The following C1QTNF7 variants were observed in gnomAD, a reference collection of about 807,000 sequenced individuals.
C1QTNF7 encodes C1q and TNF related 7, also known as complement C1q tumor necrosis factor-related protein 7.
C1QTNF7 carries 15 observed loss-of-function variants against 19.6 expected under a neutral mutation model. The observed-to-expected ratio is 0.76, with a 90% CI of 0.51 to 1.18. The LOEUF is 1.18. Ranked by LOEUF, C1QTNF7 falls within the 50% of genes most tolerant of loss-of-function variation. The probability of loss-of-function intolerance (pLI) is 0.00; values close to 1 mark genes in which losing one functional copy is unlikely to be tolerated. For missense variants in C1QTNF7, 324 were observed against 359.7 expected (o/e 0.90, Z 0.80); for synonymous variants, 142 against 137.5 (o/e 1.03, Z -0.23).
chr4:15,417,233 T>C (rs1371271244), intron 1 of C1QTNF7, among the ~76,000 whole-genome samples: 1 of 152,186 alleles, frequency 6.6e-6, no homozygotes, highest in African/African-American at 2.4e-5. Flanking sequence ...ACATTAACAA[T>C]CTTGTGCAGC....
intron 1 of C1QTNF7, among the ~76,000 whole-genome samples, chr4:15,406,775 T>C (rs749122152): frequency 7.9e-5 from 12 of 152,158 alleles, no homozygotes; most frequent in Non-Finnish European, 1.5e-4. Context: ...TAGTAAGAGA[T>C]AATAGGATAC....
intron 1 of C1QTNF7, among the ~76,000 whole-genome samples, chr4:15,395,147 T>C (rs964149836): frequency 2.0e-5 from 3 of 152,118 alleles, no homozygotes; most frequent in Admixed American, 6.5e-5. Flanking sequence ...GTGTTTTCCA[T>C]GGGAAAAGCA....
At chr4:15,398,527 T>C (rs1014358392) in intron 1 of C1QTNF7, among the ~76,000 whole-genome samples, 5 of 152,202 alleles carry the variant, frequency 3.3e-5, no homozygotes, top group Non-Finnish European at 7.3e-5. Flanking sequence ...TGGGACTACC[T>C]GGGTCTAGGC....
chr4:15,426,126 A>G (rs1712036004), upstream of C1QTNF7, among the ~76,000 whole-genome samples: 3 of 152,240 alleles, frequency 2.0e-5, no homozygotes, highest in Admixed American at 6.5e-5. Context: ...ATTCAGTTGA[A>G]AAGTAAATAA....
At chr4:15,387,447 A>T (rs1718380318) in intron 1 of C1QTNF7, among the ~76,000 whole-genome samples, 1 of 152,210 alleles carries the variant, frequency 6.6e-6, no homozygotes. Flanking sequence ...GATTGAACCT[A>T]GGCTTCCAAT....
At chr4:15,372,873 C>T (rs1717783452) in intron 1 of C1QTNF7, among the ~76,000 whole-genome samples, 1 of 151,880 alleles carries the variant, frequency 6.6e-6, no homozygotes, top group African/African-American at 2.4e-5. Context: ...GCATGGGAGA[C>T]AAGTACCAAG....
intron 1 of C1QTNF7, among the ~76,000 whole-genome samples, chr4:15,364,710 A>T (rs1219311737): frequency 6.6e-6 from 1 of 152,226 alleles, no homozygotes; most frequent in Non-Finnish European, 1.5e-5. Flanking sequence ...TTTTTAAAAC[A>T]TGTATGGAAC....
At chr4:15,427,680 C>G (rs1036854008), upstream of C1QTNF7, 1 of 152,124 alleles carries the variant, frequency 6.6e-6, no homozygotes. Context: ...TGGCTTTTTT[C>G]TCTAAGTTAA....
chr4:15,354,608 A>G (rs112064751), intron 1 of C1QTNF7, among the ~76,000 whole-genome samples: 4 of 152,072 alleles, frequency 2.6e-5, no homozygotes, highest in Non-Finnish European at 4.4e-5. Context: ...GCTCTGCCCA[A>G]TGTGGTTCAC....
chr4:15,401,427 G>C (rs1474272590), intron 1 of C1QTNF7, among the ~76,000 whole-genome samples: 1 of 152,196 alleles, frequency 6.6e-6, no homozygotes, highest in Non-Finnish European at 1.5e-5. Flanking sequence ...CTGGTTAACT[G>C]AATGCTGCAA....
intron 1 of C1QTNF7, among the ~76,000 whole-genome samples, chr4:15,435,528 G>C (rs1470216478): frequency 1.3e-5 from 2 of 152,190 alleles, no homozygotes. Flanking sequence ...CAACTCCCGT[G>C]TAGGGCACTG....
intron 1 of C1QTNF7, among the ~76,000 whole-genome samples, chr4:15,395,350 A>G (rs1342855249): frequency 1.3e-5 from 2 of 152,176 alleles, no homozygotes; most frequent in Non-Finnish European, 2.9e-5. Flanking sequence ...GTGTTTTTGC[A>G]TTTAAAAAAA....
At chr4:15,426,559 GGTAA>G (rs1203803771), upstream of C1QTNF7, among the ~76,000 whole-genome samples, 22 of 152,188 alleles carry the variant, frequency 1.4e-4, no homozygotes, top group African/African-American at 5.3e-4. Flanking sequence ...TATTTTATGT[GGTAA>G]GTAACATTAA....
exon 1 of C1QTNF7, chr4:15,340,124 T>G: frequency 6.7e-7 from 1 of 1,502,820 alleles, no homozygotes; most frequent in East Asian, 2.5e-5. Flanking sequence ...AAATTTTTAA[T>G]AGTTAACTAC....
intron 1 of C1QTNF7, chr4:15,373,867 T>G (rs753742504): frequency 7.9e-5 from 12 of 152,172 alleles, no homozygotes; most frequent in Non-Finnish European, 1.6e-4. Flanking sequence ...AAAATGAGAA[T>G]GGAAAGGAGA....
chr4:15,342,614 G>A (rs1577223668), intron 1 of C1QTNF7, among the ~76,000 whole-genome samples: 1 of 152,110 alleles, frequency 6.6e-6, no homozygotes, highest in Non-Finnish European at 1.5e-5. Flanking sequence ...AAAATATCAC[G>A]AAAGAGCCAA....
intron 1 of C1QTNF7, among the ~76,000 whole-genome samples, chr4:15,382,260 C>T (rs570792676): frequency 6.6e-6 from 1 of 152,116 alleles, no homozygotes; most frequent in African/African-American, 2.4e-5. Flanking sequence ...GTGACCTTTC[C>T]AGTCAAAGAT....
chr4:15,401,266 G>C (rs1003040559), intron 1 of C1QTNF7, among the ~76,000 whole-genome samples: 2 of 152,132 alleles, frequency 1.3e-5, no homozygotes, highest in South Asian at 2.1e-4. Flanking sequence ...AGGAGCGTGT[G>C]GGGAGGAGCG....
At chr4:15,364,735 A>C (rs906755231) in intron 1 of C1QTNF7, among the ~76,000 whole-genome samples, 2 of 152,208 alleles carry the variant, frequency 1.3e-5, no homozygotes, top group African/African-American at 4.8e-5. Flanking sequence ...CCGTGGAGAA[A>C]AAATATATTT....
Sources: allele counts gnomAD v4.1 joint callset (sites outside exome capture counted in the v4.1 genomes callset), GRCh38; gene constraint gnomAD v4.1.1; transcripts MANE v1.5; gene names NCBI Gene and HGNC (gene_info 2026-07-23, HGNC 2026-07-21).